The following ST6GAL2 variants were observed in gnomAD, a reference collection of about 807,000 sequenced individuals.
ST6GAL2 encodes the protein beta-galactoside alpha-2,6-sialyltransferase 2.
In ST6GAL2, 24 loss-of-function variants were observed where a neutral mutation model predicts 37.5. That is an observed-to-expected ratio of 0.64 (90% CI 0.46 to 0.90). The LOEUF is 0.90. Ranked by LOEUF, ST6GAL2 falls within the 40% of genes least tolerant of loss-of-function variation. The probability of loss-of-function intolerance (pLI) is 0.00; values close to 1 mark genes in which losing one functional copy is unlikely to be tolerated. For synonymous variants in ST6GAL2, 306 were observed against 295.1 expected, an observed-to-expected ratio of 1.04 and a Z score of -0.38; for missense variants, 715 against 712.7, an observed-to-expected ratio of 1.00 and a Z score of -0.04.
chr2:106,811,808 T>A (rs115076615), intron 5 of ST6GAL2, among the ~76,000 whole-genome samples: 1 of 152,238 alleles, frequency 6.6e-6, no homozygotes, highest in Non-Finnish European at 1.5e-5. Context: ...AATGATTCAA[T>A]AGGAAGACCC....
At chr2:106,807,050 A>G in intron 5 of ST6GAL2, 101 bp from the exon 6 acceptor site, 1 of 961,308 alleles carries the variant, frequency 1.0e-6, no homozygotes, top group Non-Finnish European at 1.5e-6. Context: ...GACTGTGGCA[A>G]GAGACACTTA....
chr2:106,860,238 C>T (rs974637006), intron 1 of ST6GAL2, among the ~76,000 whole-genome samples: 4 of 152,158 alleles, frequency 2.6e-5, no homozygotes, highest in Non-Finnish European at 4.4e-5. Flanking sequence ...TACTGCCTTT[C>T]TTCTCTAGTG....
chr2:106,876,840 T>C (rs941020497), intron 1 of ST6GAL2, among the ~76,000 whole-genome samples: 23 of 152,034 alleles, frequency 1.5e-4, no homozygotes, highest in African/African-American at 5.3e-4. Flanking sequence ...AAAGCCGGAG[T>C]AAACCTGTGC....
chr2:106,877,146 C>G lies in ST6GAL2; in HGVS notation c.-58+8947G>C, dbSNP rs143992943. ...CATCCCATGGACCAGTGGTTACTGA[C>G]TACAATACCACCTTCAGAAAGTTTA... On this transcript the variant is annotated intron_variant, in intron 1 of 5. Transcript: ENST00000409382. 3.1e-3 allele frequency among the ~76,000 whole-genome samples: 478 copies of G among 152,292 alleles called. 5 individuals carry two copies. The highest frequency in any genetic ancestry group is 0.011 in the African/African-American group (468 of 41,560).
chr2:106,838,044 C>T (rs549099136), intron 2 of ST6GAL2, among the ~76,000 whole-genome samples: 15 of 152,156 alleles, frequency 9.9e-5, no homozygotes, highest in Admixed American at 3.3e-4. Context: ...CTGAGACTGT[C>T]TCTCACACAG....
chr2:106,884,316 C>T (rs1449004250), intron 1 of ST6GAL2, among the ~76,000 whole-genome samples: 1 of 152,206 alleles, frequency 6.6e-6, no homozygotes, highest in Non-Finnish European at 1.5e-5. Flanking sequence ...CCCTCTTCTG[C>T]ATAATAAATC....
At chr2:106,814,490 CA>C (rs60883353) in intron 5 of ST6GAL2, among the ~76,000 whole-genome samples, 2,563 of 133,582 alleles carry the variant, frequency 0.019, 30 homozygotes, top group Middle Eastern at 0.034. Context: ...TGTTTGCGTT[CA>C]AAAAAAAAAA....
At chr2:106,851,125 T>C (rs1368777793) in intron 1 of ST6GAL2, among the ~76,000 whole-genome samples, 2 of 152,250 alleles carry the variant, frequency 1.3e-5, no homozygotes, top group Non-Finnish European at 2.9e-5. Context: ...CATTATTACC[T>C]GGCAATGCAA....
intron 2 of ST6GAL2, among the ~76,000 whole-genome samples, chr2:106,836,944 CAA>C (rs10700905): frequency 1.5e-4 from 13 of 85,716 alleles, no homozygotes; most frequent in East Asian, 8.5e-4. Context: ...AATTCCATCT[CAA>C]AAAAAAAAAA....
At chr2:106,826,225 A>C (rs1167403269) in intron 5 of ST6GAL2, among the ~76,000 whole-genome samples, 1 of 152,210 alleles carries the variant, frequency 6.6e-6, no homozygotes, top group Admixed American at 6.5e-5. Flanking sequence ...TAAAGGAAAG[A>C]GATTTAATTG....
rs1558701122 is a variant in ST6GAL2 at position 106,843,470 on chromosome 2, T to C, written c.508A>G (p.Arg170Gly). The C allele has an allele frequency of 3.1e-6, 5 of 1,613,980 alleles. No homozygotes were observed. The highest frequency in any genetic ancestry group is 3.4e-6 in the Non-Finnish European group (4 of 1,179,990). Residue 170 changes from arginine to glycine, a missense_variant, in exon 2 of 6, where the codon AGG becomes GGG. This residue lies in a region of ST6GAL2 where 512 missense variants were observed against 488.8 expected (regional missense o/e 1.05). Coordinates refer to ENST00000409382, the MANE Select transcript of ST6GAL2 (RefSeq NM_001142351.2). The stretch of plus-strand genomic sequence containing the variant: ...CGGTGCCTCTTCTTCACCCGCCTCC[T>C]CTGGACCTGTGCAGCCGGAAAAGCC... Reference protein sequence around the residue: ...EGAFPAAQVQRRRVKKRHRRQ... With the variant: ...EGAFPAAQVQGRRVKKRHRRQ...
chr2:106,852,624 T>C (rs554895487), intron 1 of ST6GAL2, among the ~76,000 whole-genome samples: 12 of 151,992 alleles, frequency 7.9e-5, no homozygotes, highest in African/African-American at 2.9e-4. Context: ...AGAAAATAAG[T>C]GGGGGGAATG....
In ST6GAL2 at chr2:106,812,999, G is replaced by A. The variant is rs143551885; in HGVS notation, c.1319-6050C>T. On this transcript the variant is annotated intron_variant, in intron 5 of 5. Transcript: ENST00000409382. ...CAACATGAGGCTGGACTTTTTGATA[G>A]GCAGATCAAGATTTAGACACGTTTT... 4,827 of 1,194,846 alleles carry A rather than the reference G, an allele frequency of 4.0e-3. 13 individuals are homozygous for A. The highest frequency in any genetic ancestry group is 4.4e-3 in the Non-Finnish European group (4,236 of 956,484). 74.0% of individuals were successfully genotyped at this position (1,194,846 alleles called of 1,614,324 possible).
chr2:106,876,305 A>G (rs1016268123), intron 1 of ST6GAL2, among the ~76,000 whole-genome samples: 2 of 152,194 alleles, frequency 1.3e-5, no homozygotes, highest in Non-Finnish European at 2.9e-5. Flanking sequence ...CTACTGAAGG[A>G]AGATCTAAAG....
chr2:106,844,772 G>A (rs1677078467), intron 1 of ST6GAL2, among the ~76,000 whole-genome samples: 1 of 152,198 alleles, frequency 6.6e-6, no homozygotes, highest in Admixed American at 6.5e-5. Context: ...TAGGAGGAGA[G>A]ATGGGGAGAG....
At chr2:106,854,674 T>C (rs1201668094) in intron 1 of ST6GAL2, among the ~76,000 whole-genome samples, 3 of 152,138 alleles carry the variant, frequency 2.0e-5, no homozygotes, top group Non-Finnish European at 4.4e-5. Context: ...CACGCCCCGG[T>C]TTAGATAAAC....
intron 1 of ST6GAL2, among the ~76,000 whole-genome samples, chr2:106,863,221 T>C (rs1677880387): frequency 6.6e-6 from 1 of 152,178 alleles, no homozygotes; most frequent in Non-Finnish European, 1.5e-5. Context: ...TGGCTCACGT[T>C]TGCTCTCTTG....
Position 106,843,753 on chromosome 2 carries a change from G to C in ST6GAL2, c.225C>G (p.Asp75Glu). The C allele has an allele frequency of 6.2e-7, 1 of 1,610,542 alleles. No individual in the cohort carries two copies. The highest frequency in any genetic ancestry group is 1.7e-4 in the Middle Eastern group (1 of 6,036). Residue 75 changes from aspartate to glutamate, a missense_variant, in exon 2 of 6, where the codon GAC (aspartate) becomes GAG (glutamate). Physicochemically the swap from Asp to Glu is conservative, Grantham distance 45. Around this residue, in one of 3 missense-constraint regions of ST6GAL2, gnomAD observed 512 missense variants for 488.8 expected, o/e 1.05. Coordinates refer to ENST00000409382, the MANE Select transcript of ST6GAL2 (RefSeq NM_001142351.2). Reference protein sequence around the residue: ...AHEPSPPGGLDARQALPRAHP... With the variant: ...AHEPSPPGGLEARQALPRAHP... ...GGGCGCGGGGCAGCGCCTGGCGTGC[G>C]TCCAGGCCCCCAGGCGGGGAGGGCT...
chr2:106,861,365 C>T (rs986203398), intron 1 of ST6GAL2, among the ~76,000 whole-genome samples: 3 of 152,202 alleles, frequency 2.0e-5, no homozygotes, highest in Non-Finnish European at 4.4e-5. Flanking sequence ...TAAGTCATGG[C>T]ATATAAACTG....
Sources: gnomAD v4.1 joint callset for allele counts (sites outside exome capture counted in the v4.1 genomes callset) on GRCh38, gnomAD v4.1.1 for gene constraint, gnomAD v4.1.1 regional missense constraint, MANE v1.5 for transcripts, NCBI Gene and HGNC (gene_info 2026-07-23, HGNC 2026-07-21) for gene names.